The following CTTNBP2 variants were observed in gnomAD, a reference collection of about 807,000 sequenced individuals.
CTTNBP2 encodes cortactin-binding protein 2.
Under a neutral mutation model 156.9 loss-of-function variants are expected in CTTNBP2, and 108 were observed. The observed-to-expected ratio is 0.69, with a 90% CI of 0.59 to 0.81. The LOEUF (loss-of-function observed/expected upper bound fraction) is 0.81. CTTNBP2 is among the 30% of genes least tolerant of loss of function. The probability of loss-of-function intolerance (pLI) is 0.00; values close to 1 mark genes in which losing one functional copy is unlikely to be tolerated. For synonymous variants in CTTNBP2, 767 were observed against 751.8 expected (o/e 1.02, Z -0.33); for missense variants, 1,924 against 2,035.4 (o/e 0.95, Z 1.05).
In CTTNBP2 at chr7:117,780,519, G is replaced by T. The variant is rs768964622; in HGVS notation, c.2445C>A (p.Tyr815Ter). 3 of 1,597,030 alleles carry T rather than the reference G, an allele frequency of 1.9e-6. No individual in the cohort carries two copies. The highest frequency in any genetic ancestry group is 3.4e-5 in the Admixed American group (2 of 58,270). ...HAADGGQTPLYLACKNGNKEC... is the reference protein window; with the variant it reads ...HAADGGQTPL The stretch of plus-strand genomic sequence containing the variant: ...CTTTATTTCCATTTTTACAGGCCAG[G>T]TATAGAGGTGTCTGTCCTCCATCAG... Residue 815 changes from tyrosine to a stop codon, truncating the protein, a stop_gained, in exon 7 of 23, where the codon TAC becomes TAA. Coordinates refer to ENST00000160373, the MANE Select transcript of CTTNBP2 (RefSeq NM_033427.3). LOFTEE classifies it high-confidence loss of function.
chr7:117,826,496 A>G (rs758292405), intron 2 of CTTNBP2, among the ~76,000 whole-genome samples: 1 of 152,186 alleles, frequency 6.6e-6, no homozygotes, highest in Non-Finnish European at 1.5e-5. Context: ...AATGTTTTTC[A>G]GCTTTCAGGG....
chr7:117,797,514 A>G (rs1799383988), intron 3 of CTTNBP2, among the ~76,000 whole-genome samples: 1 of 152,226 alleles, frequency 6.6e-6, no homozygotes, highest in Non-Finnish European at 1.5e-5. Flanking sequence ...CGCTGGAATT[A>G]GTGACAAGGA....
At chr7:117,827,895 C>A (rs1250817985) in intron 2 of CTTNBP2, among the ~76,000 whole-genome samples, 1 of 152,142 alleles carries the variant, frequency 6.6e-6, no homozygotes, top group East Asian at 1.9e-4. Context: ...AAATTAAATT[C>A]CCCAGGACAT....
intron 14 of CTTNBP2, among the ~76,000 whole-genome samples, chr7:117,741,254 G>A (rs900441108): frequency 6.6e-5 from 10 of 152,132 alleles, no homozygotes; most frequent in African/African-American, 2.4e-4. Context: ...ATTCCACAGA[G>A]CTTAGGGACT....
chr7:117,857,235 A>T (rs1803391500), intron 2 of CTTNBP2, among the ~76,000 whole-genome samples: 1 of 152,234 alleles, frequency 6.6e-6, no homozygotes, highest in African/African-American at 2.4e-5. Flanking sequence ...AATACATTTC[A>T]GTTAATCAGC....
chr7:117,744,758 G>C (rs1796230230), intron 14 of CTTNBP2, among the ~76,000 whole-genome samples: 1 of 152,140 alleles, frequency 6.6e-6, no homozygotes, highest in African/African-American at 2.4e-5. Context: ...TTAGCTGGAA[G>C]TGCTGGGGCG....
In CTTNBP2 at chr7:117,714,951, A is replaced by G. The variant is rs115297905; in HGVS notation, c.4746+3067T>C. Among the ~76,000 whole-genome samples the G allele has an allele frequency of 9.0e-3, 1,367 of 152,356 alleles. 16 individuals are homozygous for G. Among genetic ancestry groups the G allele is most frequent in the African/African-American group, 0.03 (1,260 of 41,590 alleles). Reference sequence around the variant, plus strand: ...CCCCCGAATTATCTGTATTAAATGTATAACGTTTACTATCCATATTGCTGT... The same window carrying G: ...CCCCCGAATTATCTGTATTAAATGTGTAACGTTTACTATCCATATTGCTGT... On this transcript the variant is annotated intron_variant, in intron 22 of 22. Transcript: ENST00000160373.
Position 117,873,387 on chromosome 7 carries a change from G to A in CTTNBP2, c.29C>T (p.Pro10Leu). 1 of 1,489,648 alleles carries A rather than the reference G, an allele frequency of 6.7e-7. No individual in the cohort carries two copies. Among genetic ancestry groups the A allele is most frequent in the Non-Finnish European group, 8.9e-7 (1 of 1,126,698 alleles). 92.3% of individuals were successfully genotyped at this position (1,489,648 alleles called of 1,614,324 possible). A position where few individuals can be genotyped will look rare whatever the true frequency, so the allele number is the denominator to read the frequency against. MATDGASCE[P>L]DLSRAPEDAA... ...GTCCTCCGGGGCCCGGGACAAGTCG[G>A]GCTCGCAGCTCGCGCCGTCCGTCGC... Residue 10 changes from proline to leucine, a missense_variant, in exon 1 of 23, where the codon CCC becomes CTC. By Grantham distance (98) the Pro-to-Leu change is moderately conservative. Coordinates refer to ENST00000160373, the MANE Select transcript of CTTNBP2 (RefSeq NM_033427.3).
At chr7:117,815,732 C>T (rs777723386) in intron 2 of CTTNBP2, among the ~76,000 whole-genome samples, 3 of 152,284 alleles carry the variant, frequency 2.0e-5, no homozygotes, top group Non-Finnish European at 4.4e-5. Flanking sequence ...TATGTTCTAA[C>T]AAAAGGCATT....
At chr7:117,730,554 T>C (rs1195727218) in intron 16 of CTTNBP2, among the ~76,000 whole-genome samples, 1 of 152,140 alleles carries the variant, frequency 6.6e-6, no homozygotes, top group Non-Finnish European at 1.5e-5. Flanking sequence ...ATAGCATGGG[T>C]AAAGGTTACA....
At chr7:117,729,904 G>A (rs1257789807) in intron 16 of CTTNBP2, among the ~76,000 whole-genome samples, 1 of 152,218 alleles carries the variant, frequency 6.6e-6, no homozygotes, top group African/African-American at 2.4e-5. Flanking sequence ...ATTGGTGAGG[G>A]GAGGTGGGAA....
chr7:117,734,103 G>A (rs994971071), intron 16 of CTTNBP2, among the ~76,000 whole-genome samples: 1 of 152,150 alleles, frequency 6.6e-6, no homozygotes, highest in African/African-American at 2.4e-5. Flanking sequence ...TGACGGGAGG[G>A]TCAACAGACT....
intron 9 of CTTNBP2, among the ~76,000 whole-genome samples, chr7:117,763,296 TC>T (rs1451342306): frequency 6.6e-6 from 1 of 152,164 alleles, no homozygotes; most frequent in Non-Finnish European, 1.5e-5. Context: ...AGGTGTTTAT[TC>T]AATGGATGAA....
chr7:117,755,687 G>A, intron 12 of CTTNBP2: 1 of 368,946 alleles, frequency 2.7e-6, no homozygotes, highest in South Asian at 2.0e-5. Flanking sequence ...TGAATGCAAA[G>A]CATTACATTT....
intron 16 of CTTNBP2, 38 bp downstream of exon 16, chr7:117,734,875 T>C (rs1584918178): frequency 6.6e-7 from 1 of 1,514,176 alleles, no homozygotes; most frequent in Non-Finnish European, 8.9e-7. Flanking sequence ...CAAAAACCCC[T>C]GCTCTCCTGG....
chr7:117,776,119 A>G (rs1262002108), intron 8 of CTTNBP2, among the ~76,000 whole-genome samples: 1 of 152,164 alleles, frequency 6.6e-6, no homozygotes, highest in East Asian at 1.9e-4. Flanking sequence ...CTAAAACTGC[A>G]TTCTGTCTTC....
At chr7:117,793,748 C>A (rs903695331) in intron 3 of CTTNBP2, 1 of 152,228 alleles carries the variant, frequency 6.6e-6, no homozygotes, top group African/African-American at 2.4e-5. Context: ...AGGATTGGTG[C>A]TTTCCAGAGT....
At chr7:117,827,640 C>G (rs923265746) in intron 2 of CTTNBP2, among the ~76,000 whole-genome samples, 1 of 152,042 alleles carries the variant, frequency 6.6e-6, no homozygotes, top group Non-Finnish European at 1.5e-5. Context: ...TATGATAATT[C>G]CAGAAATGCT....
chr7:117,737,212 A>G (rs1000025691), intron 14 of CTTNBP2, among the ~76,000 whole-genome samples: 7 of 152,212 alleles, frequency 4.6e-5, no homozygotes, highest in African/African-American at 1.7e-4. Flanking sequence ...TTGGGTTCAA[A>G]TGTTATTTCA....
Sources: allele counts gnomAD v4.1 joint callset (sites outside exome capture counted in the v4.1 genomes callset), GRCh38; gene constraint gnomAD v4.1.1; transcripts MANE v1.5; gene names NCBI Gene and HGNC (gene_info 2026-07-23, HGNC 2026-07-21).